The following MX2 variants were observed in gnomAD, a reference collection of about 807,000 sequenced individuals.
The protein encoded by MX2 is interferon-induced GTP-binding protein Mx2.
MX2 carries 51 observed loss-of-function variants against 74.0 expected under a neutral mutation model. That is an observed-to-expected ratio of 0.69 (90% CI 0.55 to 0.87). The LOEUF (loss-of-function observed/expected upper bound fraction) is 0.87, where lower values mean the gene tolerates loss of function less well. Among genes scored for constraint, MX2 ranks in the 40% least tolerant of loss-of-function variants. The probability of loss-of-function intolerance (pLI) is 0.00; values close to 1 mark genes in which losing one functional copy is unlikely to be tolerated. For synonymous variants in MX2, 369 were observed against 339.3 expected (o/e 1.09, Z -0.96); for missense variants, 832 against 908.7 (o/e 0.92, Z 1.09).
chr21:41,394,652 G>A (rs186297587), intron 6 of MX2, among the ~76,000 whole-genome samples: 58 of 152,242 alleles, frequency 3.8e-4, no homozygotes, highest in Admixed American at 1.5e-3. Flanking sequence ...ACAAAATAGC[G>A]GAAGATAAGG....
In MX2 at chr21:41,382,488, C is replaced by T. The variant is rs1431673549; in HGVS notation, c.656C>T (p.Pro219Leu). ...ISLEITSPEVPDLTIIDLPGI... is the reference protein window; with the variant it reads ...ISLEITSPEVLDLTIIDLPGI... The stretch of plus-strand genomic sequence containing the variant: ...CTGGAGATCACCTCCCCTGAGGTTC[C>T]AGACCTGACCATCATTGACCTTCCC... The change falls in exon 5 of 14, where the codon CCA (proline) becomes CTA (leucine). Residue 219 changes from proline to leucine, a missense_variant. Transcript: ENST00000330714. The T allele has an allele frequency of 6.2e-7, 1 of 1,614,228 alleles. No homozygotes were observed. The highest frequency in any genetic ancestry group is 1.3e-5 in the African/African-American group (1 of 75,066).
Position 41,397,679 on chromosome 21 carries a change from C to T in MX2, c.1137C>T (p.Ile379=). 1 of 1,614,086 alleles carries T rather than the reference C, an allele frequency of 6.2e-7. No homozygotes were observed. Among genetic ancestry groups the T allele is most frequent in the Non-Finnish European group, 8.5e-7 (1 of 1,179,932 alleles). The change falls in exon 8 of 14, where the codon ATC becomes ATT. Residue 379 remains isoleucine, a synonymous_variant. Transcript: ENST00000330714. The part of the protein sequence containing the change: ...RLAERLTTEL[I]MHIQKSLPLL... ...CAGAAAGACTTACCACTGAACTCAT[C>T]ATGCATATCCAAGTGAGCCACGTGG...
Position 41,402,211 on chromosome 21 carries a change from T to A in MX2, c.1573+83T>A. 11 of 1,484,770 alleles carry A rather than the reference T, an allele frequency of 7.4e-6. No homozygotes were observed. Among genetic ancestry groups the A allele is most frequent in the Non-Finnish European group, 1.0e-5 (11 of 1,103,458 alleles). The allele number at this position is 1,484,770 out of a possible 1,614,324, so 92.0% of individuals were successfully genotyped here. A position where few individuals can be genotyped will look rare whatever the true frequency, so the allele number is the denominator to read the frequency against. On this transcript the variant is annotated intron_variant, in intron 11 of 13. Transcript: ENST00000330714. The surrounding 1 kb of genome is among the most constrained non-coding windows in gnomAD (Gnocchi z 4.5). ...AGTGCCTTGGAGGGAGAGATTGGAATGGAGTTACCAAACCAGCCTGCAGAC... is the reference window on the plus strand; with the variant it reads ...AGTGCCTTGGAGGGAGAGATTGGAAAGGAGTTACCAAACCAGCCTGCAGAC...
chr21:41,398,413 G>T (rs2089763663), intron 8 of MX2, among the ~76,000 whole-genome samples: 1 of 152,172 alleles, frequency 6.6e-6, no homozygotes, highest in Non-Finnish European at 1.5e-5. Context: ...TACAGACAAG[G>T]GCCTCATGAC....
At chr21:41,401,688 T>TG (rs1406014530) in intron 10 of MX2, 3 of 255,264 alleles carry the variant, frequency 1.2e-5, no homozygotes, top group East Asian at 8.0e-5. Context: ...TAATCAGGTT[T>TG]TTTTTTTTTT....
rs992545510 is a variant in MX2 at position 41,380,816 on chromosome 21, T to G, written c.577+665T>G. On this transcript the variant is annotated intron_variant, in intron 4 of 13. Transcript: ENST00000330714. This position sits in a 1 kb window ranked among gnomAD's most constrained non-coding sequence, Gnocchi z 4.3. ...GCCCTAGTGGTTACGTCCCTTGGAG[T>G]GCACAGCCCTGCCTGCCCCAGGCAC... 1.3e-5 allele frequency among the ~76,000 whole-genome samples: 2 copies of G among 152,080 alleles called. No homozygotes were observed. The highest frequency in any genetic ancestry group is 4.8e-5 in the African/African-American group (2 of 41,420).
intron 7 of MX2, among the ~76,000 whole-genome samples, chr21:41,396,963 G>T (rs1475364435): frequency 2.0e-5 from 3 of 152,206 alleles, no homozygotes; most frequent in South Asian, 2.1e-4. Flanking sequence ...AATGTTGCCA[G>T]TCCAGGGACC....
intron 7 of MX2, 66 bp from the exon 8 acceptor site, chr21:41,397,547 A>C (rs1349665247): frequency 1.4e-6 from 2 of 1,471,528 alleles, no homozygotes; most frequent in Non-Finnish European, 1.9e-6. Context: ...ACCACGCACA[A>C]AGTCCGGTAC....
intron 1 of MX2, among the ~76,000 whole-genome samples, chr21:41,371,190 G>A (rs545236485): frequency 1.3e-5 from 2 of 152,142 alleles, no homozygotes; most frequent in African/African-American, 2.4e-5. Context: ...ATCTGGTCTC[G>A]TCATCTCGAG....
rs183918738 is a variant in MX2, at chr21:41,384,032, G to A, written c.732+1468G>A. Among the ~76,000 whole-genome samples, 282 of 152,246 alleles carry A rather than the reference G, an allele frequency of 1.9e-3. 2 individuals carry two copies. The highest frequency in any genetic ancestry group is 6.5e-3 in the African/African-American group (271 of 41,540). On this transcript the variant is annotated intron_variant, in intron 5 of 13. Coordinates refer to ENST00000330714, the MANE Select transcript of MX2 (RefSeq NM_002463.2). ...TCATGGGGGTGTTTTCTCCCATGCC[G>A]TTCTCGTGATTGAGGGAGTTCTCAT...
At position 41,390,643 on chromosome 21, in the gene MX2, G is replaced by C. The variant is rs775759301; in HGVS notation, c.811G>C (p.Ala271Pro). ...GGTGGTTCCCTGTAACGTGGACATT[G>C]CCACCACGGAGGCGCTGAGCATGGC... ...LVVVPCNVDI[A>P]TTEALSMAHE... Residue 271 changes from alanine (A) to proline (P), a missense_variant, in exon 6 of 14, where the codon GCC (alanine) becomes CCC (proline). By Grantham distance (27) the Ala-to-Pro change is conservative. Coordinates refer to ENST00000330714, the MANE Select transcript of MX2 (RefSeq NM_002463.2). The C allele has an allele frequency of 1.2e-6, 2 of 1,614,166 alleles. No individual in the cohort carries two copies. The highest frequency in any genetic ancestry group is 2.2e-5 in the South Asian group (2 of 91,080).
intron 1 of MX2, among the ~76,000 whole-genome samples, chr21:41,376,114 G>A (rs970328449): frequency 2.0e-5 from 3 of 152,182 alleles, no homozygotes; most frequent in African/African-American, 4.8e-5. Flanking sequence ...AAGCCCGGGT[G>A]TGAGGCCAGG....
intron 6 of MX2, among the ~76,000 whole-genome samples, chr21:41,391,094 C>T (rs568660262): frequency 1.3e-5 from 2 of 151,782 alleles, no homozygotes; most frequent in Admixed American, 6.6e-5. Flanking sequence ...GATCCTGGAA[C>T]GTATCATATG....
chr21:41,378,155 G>A lies in MX2; in HGVS notation c.442+174G>A, dbSNP rs1015069489. ...GACAGGCCACTGGGAGAGACAGGCC[G>A]CTGGGAGACAGGCCTCTGGGAGACA... On this transcript the variant is annotated intron_variant, in intron 3 of 13. Coordinates refer to ENST00000330714, the MANE Select transcript of MX2 (RefSeq NM_002463.2). 2.0e-4 allele frequency among the ~76,000 whole-genome samples: 28 copies of A among 143,582 alleles called. 1 individual carries two copies. In the East Asian group the frequency reaches 4.5e-3, roughly 23 times the overall value. 94.2% of individuals were successfully genotyped at this position (143,582 alleles called of 152,430 possible). A position where few individuals can be genotyped will look rare whatever the true frequency, so the allele number is the denominator to read the frequency against.
intron 6 of MX2, among the ~76,000 whole-genome samples, chr21:41,394,959 AAAG>A (rs1568945175): frequency 1.3e-5 from 2 of 151,108 alleles, no homozygotes; most frequent in African/African-American, 4.9e-5. Flanking sequence ...AGAGAGAGAG[AAAG>A]GAAGGAAGGA....
chr21:41,408,118 TGCTTCAAGAGCAG>T lies in MX2; in HGVS notation c.2034_2046del (p.Leu679ValfsTer100). ...CAGGAAAAAAATCGCTATTCCTGGC[TGCTTCAAGAGCAG>T]AGTGAGACCGCTACCAAGAGAAGAA... On this transcript the variant is annotated frameshift_variant, in exon 14 of 14. Coordinates refer to ENST00000330714, the MANE Select transcript of MX2 (RefSeq NM_002463.2). LOFTEE classifies it low-confidence loss of function (END_TRUNC). 6.2e-7 allele frequency: 1 copy of T among 1,614,230 alleles called. No homozygotes were observed. The highest frequency in any genetic ancestry group is 8.5e-7 in the Non-Finnish European group (1 of 1,180,048).
At position 41,395,674 on chromosome 21, in the gene MX2, A is replaced by G. The variant is rs2089724905; in HGVS notation, c.959A>G (p.Lys320Arg). 1 of 1,614,226 alleles carries G rather than the reference A, an allele frequency of 6.2e-7. No individual in the cohort carries two copies. ...VVRNLTYPLK[K>R]GYMIVKCRGQ... The stretch of plus-strand genomic sequence containing the variant: ...CGGAACCTCACGTACCCCCTCAAGA[A>G]GGGCTACATGATTGTGAAGTGCCGG... Residue 320 changes from lysine (K) to arginine (R), a missense_variant, in exon 7 of 14, where the codon AAG becomes AGG. Physicochemically the swap from Lys to Arg is conservative, Grantham distance 26. Coordinates refer to ENST00000330714, the MANE Select transcript of MX2 (RefSeq NM_002463.2).
chr21:41,395,170 A>G (rs2089717811), intron 6 of MX2, among the ~76,000 whole-genome samples: 1 of 152,068 alleles, frequency 6.6e-6, no homozygotes, highest in Non-Finnish European at 1.5e-5. Context: ...GAAAGTGGGA[A>G]GGAGGAGATC....
chr21:41,407,588 A>G (rs1460628111), intron 13 of MX2, among the ~76,000 whole-genome samples: 1 of 152,194 alleles, frequency 6.6e-6, no homozygotes, highest in African/African-American at 2.4e-5. Context: ...TTTCCCAGCC[A>G]TGGGCACCTG....
Sources: gnomAD v4.1 joint callset for allele counts (sites outside exome capture counted in the v4.1 genomes callset) on GRCh38, gnomAD v4.1.1 for gene constraint, Gnocchi (gnomAD v3.1) non-coding constraint, MANE v1.5 for transcripts, NCBI Gene and HGNC (gene_info 2026-07-23, HGNC 2026-07-21) for gene names.